The following GRIK5 variants were observed in gnomAD, a reference collection of about 807,000 sequenced individuals.
The protein encoded by GRIK5 is glutamate receptor ionotropic, kainate 5.
In GRIK5, 43 loss-of-function variants were observed where a neutral mutation model predicts 97.4. That is an observed-to-expected ratio of 0.44 (90% CI 0.35 to 0.57). The LOEUF is 0.57. Ranked by LOEUF, GRIK5 falls within the 20% of genes least tolerant of loss-of-function variation. GRIK5 has a pLI of 0.01. For missense variants in GRIK5, 1,015 were observed against 1,382.0 expected (o/e 0.73, Z 4.21); for synonymous variants, 580 against 583.5 (o/e 0.99, Z 0.09).
rs1248227690 is a variant in GRIK5 at position 41,998,901 on chromosome 19, G to A, written c.2913C>T (p.Ala971=). The A allele has an allele frequency of 2.8e-4, 315 of 1,120,540 alleles. 2 individuals are homozygous for A. In the East Asian group the frequency reaches 0.014, roughly 52 times the overall value. 69.4% of individuals were successfully genotyped at this position (1,120,540 alleles called of 1,614,324 possible). A position where few individuals can be genotyped will look rare whatever the true frequency, so the allele number is the denominator to read the frequency against. The change falls in exon 20 of 20, where the codon GCC becomes GCT. Residue 971 remains alanine (A), a synonymous_variant. Coordinates refer to ENST00000593562, the MANE Select transcript of GRIK5 (RefSeq NM_002088.5). The part of the protein sequence containing the change: ...TSPPRPRPGP[A]GPRELAEHE ...CGTGCTCCGCCAGCTCCCGGGGGCC[G>A]GCGGGGCCAGGCCGCGGCCGGGGCG...
chr19:42,009,226 A>AT (rs1434647779), intron 15 of GRIK5, among the ~76,000 whole-genome samples: 6 of 151,914 alleles, frequency 3.9e-5, no homozygotes, highest in African/African-American at 1.2e-4. Context: ...CCTTATCGTT[A>AT]TTTTTTTATT....
Position 42,065,923 on chromosome 19 carries a change from G to A in GRIK5, c.-50-103C>T. ...TGGTCACAGAAGCCTTGGGGACATT[G>A]TTGGCAAGCAGTTCACAGCTCTGCA... On this transcript the variant is annotated intron_variant, in intron 1 of 19. Coordinates refer to ENST00000593562, the MANE Select transcript of GRIK5 (RefSeq NM_002088.5). The surrounding 1 kb of genome is among the most constrained non-coding windows in gnomAD (Gnocchi z 5.8). 1.6e-6 allele frequency: 1 copy of A among 643,004 alleles called. No individual in the cohort carries two copies. The highest frequency in any genetic ancestry group is 2.8e-6 in the Non-Finnish European group (1 of 359,138). 39.8% of individuals were successfully genotyped at this position (643,004 alleles called of 1,614,324 possible).
At position 42,021,863 on chromosome 19, in the gene GRIK5, C is replaced by G; in HGVS notation, c.1697+84G>C. 1.2e-6 allele frequency: 1 copy of G among 847,350 alleles called. No individual in the cohort carries two copies. Among genetic ancestry groups the G allele is most frequent in the Non-Finnish European group, 1.9e-6 (1 of 520,462 alleles). The allele number at this position is 847,350 out of a possible 1,614,324, so 52.5% of individuals were successfully genotyped here. A position where few individuals can be genotyped will look rare whatever the true frequency, so the allele number is the denominator to read the frequency against. ...CCAAAGGGGAGGCCAAGGACAGTTCCGAGAGAGAAGAGGCAGGTCGGTCCC... is the reference window on the plus strand; with the variant it reads ...CCAAAGGGGAGGCCAAGGACAGTTCGGAGAGAGAAGAGGCAGGTCGGTCCC... On this transcript the variant is annotated intron_variant, in intron 14 of 19. Coordinates refer to ENST00000593562, the MANE Select transcript of GRIK5 (RefSeq NM_002088.5). This position sits in a 1 kb window ranked among gnomAD's most constrained non-coding sequence, Gnocchi z 4.2.
chr19:42,058,545 TGGCCGG>T (rs1457199799), intron 6 of GRIK5, among the ~76,000 whole-genome samples: 1 of 148,884 alleles, frequency 6.7e-6, no homozygotes, highest in African/African-American at 2.5e-5. Context: ...ATTTGGTTAT[TGGCCGG>T]GTGTGGTGGC....
rs1408698356 is a variant in GRIK5 at position 42,059,372 on chromosome 19, T to C, written c.664A>G (p.Ile222Val). 1.2e-6 allele frequency: 2 copies of C among 1,613,532 alleles called. No homozygotes were observed. The highest frequency in any genetic ancestry group is 1.7e-5 in the Admixed American group (1 of 59,996). Residue 222 changes from isoleucine to valine, a missense_variant, in exon 6 of 20, where the codon ATC (isoleucine) becomes GTC (valine). By Grantham distance (29) the Ile-to-Val change is conservative (BLOSUM62 3). Transcript: ENST00000593562. ...STIIIDANAS[I>V]SHLILRKASE... is the part of the protein sequence containing the mutation. Reference sequence around the variant, plus strand: ...ACCTTACGGAGGATGAGGTGGGAGATGGAGGCGTTGGCGTCGATGATGATG... The same window carrying C: ...ACCTTACGGAGGATGAGGTGGGAGACGGAGGCGTTGGCGTCGATGATGATG...
chr19:42,050,440 A>G (rs1212533340), intron 11 of GRIK5, among the ~76,000 whole-genome samples: 1 of 151,922 alleles, frequency 6.6e-6, no homozygotes, highest in South Asian at 2.1e-4. Flanking sequence ...CGGGCAGATC[A>G]CGAGGTCAGG....
rs782386123 is a variant in GRIK5, at chr19:41,999,328, C to T, written c.2515-29G>A. On this transcript the variant is annotated intron_variant, in intron 19 of 19. Transcript: ENST00000593562. This position sits in a 1 kb window ranked among gnomAD's most constrained non-coding sequence, Gnocchi z 5.0. ...GGGGTGGCGCGGGCGGTCACCGTCC[C>T]GGCGCAGTCCGCCTCCCGCCTCCCC... The T allele has an allele frequency of 3.4e-6, 5 of 1,479,478 alleles. No homozygotes were observed. Among genetic ancestry groups the T allele is most frequent in the Middle Eastern group, 1.9e-4 (1 of 5,164 alleles). The allele number at this position is 1,479,478 out of a possible 1,614,324, so 91.6% of individuals were successfully genotyped here.
intron 15 of GRIK5, among the ~76,000 whole-genome samples, chr19:42,017,922 CAG>C (rs2075645084): frequency 6.6e-6 from 1 of 152,000 alleles, no homozygotes. Context: ...AGGAAGGGCT[CAG>C]AGAATGGAAA....
At chr19:42,060,346 A>C (rs908530720) in intron 5 of GRIK5, among the ~76,000 whole-genome samples, 2 of 152,130 alleles carry the variant, frequency 1.3e-5, no homozygotes, top group African/African-American at 4.8e-5. Context: ...CAGGATGAGG[A>C]GATGAGTTGG....
chr19:42,063,075 G>C (rs998270456), intron 3 of GRIK5, among the ~76,000 whole-genome samples: 1 of 152,170 alleles, frequency 6.6e-6, no homozygotes, highest in Non-Finnish European at 1.5e-5. Context: ...AGCAACAGAG[G>C]GACAGGTCAG....
At chr19:42,034,899 T>C (rs1345239317) in intron 12 of GRIK5, among the ~76,000 whole-genome samples, 3 of 151,838 alleles carry the variant, frequency 2.0e-5, no homozygotes, top group African/African-American at 7.2e-5. Flanking sequence ...CTCTGCTCAT[T>C]ACATTGCTGC....
chr19:42,051,906 C>A (rs2076121982), intron 11 of GRIK5, among the ~76,000 whole-genome samples: 1 of 152,166 alleles, frequency 6.6e-6, no homozygotes, highest in South Asian at 2.1e-4. Flanking sequence ...TCTAATGCCA[C>A]CTCTGCCAGG....
chr19:42,008,993 G>T (rs1265798068), intron 15 of GRIK5, among the ~76,000 whole-genome samples: 1 of 151,986 alleles, frequency 6.6e-6, no homozygotes, highest in Admixed American at 6.6e-5. Flanking sequence ...CTGGGAGGCC[G>T]AGGCAGGAGG....
At chr19:42,067,868 C>T (rs1421299143) in intron 1 of GRIK5, among the ~76,000 whole-genome samples, 1 of 152,132 alleles carries the variant, frequency 6.6e-6, no homozygotes, top group African/African-American at 2.4e-5. Context: ...CAGGACTCAG[C>T]CCCAGAGACT....
At position 42,029,001 on chromosome 19, in the gene GRIK5, A is replaced by G. The variant is rs563013868; in HGVS notation, c.1474-6647T>C. ...ATCTCAGCACTTTGAGAAGCCAAAG[A>G]AGGAGGATTGCTTGAGCCCAGGAAT... On this transcript the variant is annotated intron_variant, in intron 12 of 19. Coordinates refer to ENST00000593562, the MANE Select transcript of GRIK5 (RefSeq NM_002088.5). Among the ~76,000 whole-genome samples the G allele has an allele frequency of 2.6e-5, 4 of 152,286 alleles. No individual in the cohort carries two copies. The South Asian group carries it at 8.3e-4, about 32-fold the overall frequency.
intron 15 of GRIK5, among the ~76,000 whole-genome samples, chr19:42,018,321 C>T (rs1182972772): frequency 6.9e-6 from 1 of 145,116 alleles, no homozygotes; most frequent in Non-Finnish European, 1.5e-5. Context: ...GAGACTCTGT[C>T]TCAAAAAAAA....
At chr19:42,068,848 G>C in intron 1 of GRIK5, 2 of 681,034 alleles carry the variant, frequency 2.9e-6, no homozygotes, top group East Asian at 2.8e-5. Context: ...GGTGGGGACA[G>C]GGCCAAGGCC....
chr19:42,019,466 A>G (rs1275230384), intron 15 of GRIK5, among the ~76,000 whole-genome samples: 1 of 152,154 alleles, frequency 6.6e-6, no homozygotes, highest in African/African-American at 2.4e-5. Flanking sequence ...ATATTAGTAC[A>G]TTTCACTTGG....
chr19:42,035,232 C>T (rs1210964501), intron 12 of GRIK5, among the ~76,000 whole-genome samples: 8 of 151,958 alleles, frequency 5.3e-5, no homozygotes, highest in East Asian at 2.0e-4. Context: ...CCGCCCACCT[C>T]GGCCTCCCAA....
Sources: gnomAD v4.1 joint callset for allele counts (sites outside exome capture counted in the v4.1 genomes callset) on GRCh38, gnomAD v4.1.1 for gene constraint, Gnocchi (gnomAD v3.1) non-coding constraint, MANE v1.5 for transcripts, NCBI Gene and HGNC (gene_info 2026-07-23, HGNC 2026-07-21) for gene names.